PAPPA: variants seen among roughly 807,000 people sequenced by gnomAD.
PAPPA encodes the protein pappalysin 1.
PAPPA carries 60 observed loss-of-function variants against 164.0 expected under a neutral mutation model. That is an observed-to-expected ratio of 0.37 (90% CI 0.30 to 0.45). PAPPA has a LOEUF of 0.45. Among genes scored for constraint, PAPPA ranks in the 20% least tolerant of loss-of-function variants. PAPPA has a pLI of 1.00. For synonymous variants in PAPPA, 875 were observed against 814.1 expected, an observed-to-expected ratio of 1.07 and a Z score of -1.27; for missense variants, 1,782 against 2,087.3, an observed-to-expected ratio of 0.85 and a Z score of 2.85.
At chr9:116,368,169 G>A (rs952810452) in intron 19 of PAPPA, among the ~76,000 whole-genome samples, 10 of 152,154 alleles carry the variant, frequency 6.6e-5, no homozygotes, top group African/African-American at 2.4e-4. Context: ...CTCCCATGTA[G>A]CCTTCCACTT....
chr9:116,339,487 A>T (rs1846106597), intron 13 of PAPPA, among the ~76,000 whole-genome samples: 1 of 152,190 alleles, frequency 6.6e-6, no homozygotes, highest in African/African-American at 2.4e-5. Flanking sequence ...ACCTTTTAGG[A>T]TCATTCCCCC....
chr9:116,162,154 A>G (rs1256398885), intron 1 of PAPPA, among the ~76,000 whole-genome samples: 2 of 152,212 alleles, frequency 1.3e-5, no homozygotes. Flanking sequence ...AGCATGGAGA[A>G]GGGGCAAGTG....
intron 1 of PAPPA, among the ~76,000 whole-genome samples, chr9:116,170,164 T>A (rs958684636): frequency 3.9e-5 from 6 of 152,126 alleles, no homozygotes; most frequent in Non-Finnish European, 5.9e-5. Flanking sequence ...GTGACTTACA[T>A]GCTGAAAAAC....
chr9:116,281,818 T>C (rs1272219719), intron 9 of PAPPA, among the ~76,000 whole-genome samples: 1 of 152,192 alleles, frequency 6.6e-6, no homozygotes, highest in African/African-American at 2.4e-5. Flanking sequence ...CTGCATCTTA[T>C]GCCAGGCCAA....
intron 1 of PAPPA, among the ~76,000 whole-genome samples, chr9:116,159,241 A>G (rs1379179685): frequency 6.6e-6 from 1 of 152,218 alleles, no homozygotes; most frequent in African/African-American, 2.4e-5. Flanking sequence ...ACATCAGGAT[A>G]GTTCAATGAA....
intron 1 of PAPPA, among the ~76,000 whole-genome samples, chr9:116,169,585 G>T (rs1843753886): frequency 6.6e-6 from 1 of 151,758 alleles, no homozygotes; most frequent in Non-Finnish European, 1.5e-5. Flanking sequence ...CTCCCAAAGT[G>T]CTGGGATTAC....
intron 2 of PAPPA, among the ~76,000 whole-genome samples, chr9:116,203,889 G>C (rs1220914297): frequency 1.3e-5 from 2 of 152,138 alleles, no homozygotes; most frequent in African/African-American, 4.8e-5. Context: ...CTTAAGGGTT[G>C]GGCATAACTG....
At chr9:116,278,035 C>T (rs577266133) in intron 9 of PAPPA, among the ~76,000 whole-genome samples, 33 of 152,252 alleles carry the variant, frequency 2.2e-4, no homozygotes, top group African/African-American at 7.2e-4. Flanking sequence ...ATGTTATCCC[C>T]GTTTTGTAGA....
chr9:116,358,953 G>C (rs2118615645), intron 17 of PAPPA, among the ~76,000 whole-genome samples: 1 of 152,316 alleles, frequency 6.6e-6, no homozygotes, highest in East Asian at 1.9e-4. Context: ...GTATGTGTTA[G>C]GCTTTAAATG....
intron 18 of PAPPA, among the ~76,000 whole-genome samples, chr9:116,366,296 A>G (rs7390972): frequency 0.34 from 51,763 of 151,964 alleles, 9,008 homozygotes; most frequent in Middle Eastern, 0.4. Flanking sequence ...GCTGAATTAC[A>G]GTCAACTTGC....
intron 3 of PAPPA, among the ~76,000 whole-genome samples, chr9:116,210,784 G>A (rs1478932820): frequency 6.6e-6 from 1 of 152,166 alleles, no homozygotes; most frequent in Admixed American, 6.5e-5. Context: ...TTGTGCTTCT[G>A]TAGGTCTGGG....
At chr9:116,230,258 A>G (rs545604052) in intron 6 of PAPPA, among the ~76,000 whole-genome samples, 1 of 152,182 alleles carries the variant, frequency 6.6e-6, no homozygotes, top group Non-Finnish European at 1.5e-5. Flanking sequence ...GAAGAAATAA[A>G]CTTTTCCATG....
intron 19 of PAPPA, among the ~76,000 whole-genome samples, chr9:116,372,784 T>TATC (rs758500929): frequency 3.3e-5 from 5 of 152,218 alleles, no homozygotes; most frequent in Non-Finnish European, 7.3e-5. Flanking sequence ...ATTTATTGAC[T>TATC]ATCTCTAATA....
intron 14 of PAPPA, among the ~76,000 whole-genome samples, chr9:116,345,866 T>C (rs1358459155): frequency 2.0e-5 from 3 of 152,190 alleles, no homozygotes; most frequent in Non-Finnish European, 2.9e-5. Context: ...CAGGTTGTCC[T>C]GGGATTTGAG....
chr9:116,239,728 A>T (rs1844714092), intron 7 of PAPPA, among the ~76,000 whole-genome samples: 1 of 152,200 alleles, frequency 6.6e-6, no homozygotes, highest in Non-Finnish European at 1.5e-5. Flanking sequence ...CTTAAGTCTA[A>T]TTCCAAATTC....
At chr9:116,163,187 T>C (rs1843687922) in intron 1 of PAPPA, among the ~76,000 whole-genome samples, 1 of 152,112 alleles carries the variant, frequency 6.6e-6, no homozygotes, top group African/African-American at 2.4e-5. Context: ...GGGGAGAAGG[T>C]GGAGACAGAC....
chr9:116,335,861 C>T (rs980228774), intron 13 of PAPPA, among the ~76,000 whole-genome samples: 3 of 152,284 alleles, frequency 2.0e-5, no homozygotes, highest in African/African-American at 7.2e-5. Context: ...GTGAGGGTTA[C>T]ATGTTGCACT....
intron 9 of PAPPA, among the ~76,000 whole-genome samples, chr9:116,277,601 G>A (rs151133474): frequency 2.2e-4 from 34 of 152,278 alleles, no homozygotes; most frequent in African/African-American, 7.5e-4. Flanking sequence ...TTAAAATGGT[G>A]ACACCTGCCT....
intron 1 of PAPPA, among the ~76,000 whole-genome samples, chr9:116,157,644 A>G (rs1198424457): frequency 6.6e-6 from 1 of 152,038 alleles, no homozygotes; most frequent in Non-Finnish European, 1.5e-5. Context: ...AGCGGCAGGA[A>G]CTAGGATTTA....
Sources: gnomAD v4.1 joint callset for allele counts (sites outside exome capture counted in the v4.1 genomes callset) on GRCh38, gnomAD v4.1.1 for gene constraint, MANE v1.5 for transcripts, NCBI Gene and HGNC (gene_info 2026-07-23, HGNC 2026-07-21) for gene names.